NEBL: variants seen among roughly 807,000 people sequenced by gnomAD.
NEBL encodes LIM and SH3 protein 2.
NEBL carries 122 observed loss-of-function variants against 140.2 expected under a neutral mutation model. The observed-to-expected ratio is 0.87, with a 90% CI of 0.75 to 1.01. The LOEUF is 1.01. NEBL is among the 50% of genes least tolerant of loss of function. The probability of loss-of-function intolerance (pLI) is 0.00; values close to 1 mark genes in which losing one functional copy is unlikely to be tolerated. For synonymous variants in NEBL, 436 were observed against 398.9 expected, an observed-to-expected ratio of 1.09 and a Z score of -1.11; for missense variants, 1,365 against 1,231.3, an observed-to-expected ratio of 1.11 and a Z score of -1.62.
At chr10:20,796,128 C>A (rs1362922256) in intron 26 of NEBL, among the ~76,000 whole-genome samples, 2 of 152,014 alleles carry the variant, frequency 1.3e-5, no homozygotes, top group African/African-American at 4.8e-5. Flanking sequence ...TTTTGGGAGG[C>A]TGAGGCGGGC....
chr10:20,950,356 C>G (rs1835398775), intron 4 of NEBL, among the ~76,000 whole-genome samples: 1 of 152,232 alleles, frequency 6.6e-6, no homozygotes, highest in South Asian at 2.1e-4. Context: ...ACGATAACTA[C>G]TCCTTCAACA....
intron 3 of NEBL, among the ~76,000 whole-genome samples, chr10:21,017,794 C>T (rs139294499): frequency 2.0e-5 from 3 of 151,626 alleles, no homozygotes; most frequent in Non-Finnish European, 2.9e-5. Flanking sequence ...CAAAGCACTA[C>T]GGAGTCCAAT....
At chr10:20,879,587 A>G (rs1845829542) in intron 5 of NEBL, among the ~76,000 whole-genome samples, 2 of 152,146 alleles carry the variant, frequency 1.3e-5, no homozygotes, top group Admixed American at 6.5e-5. Flanking sequence ...TTCTGCGGAA[A>G]ACACTCTGCA....
intron 2 of NEBL, among the ~76,000 whole-genome samples, chr10:21,156,661 A>T (rs534427355): frequency 5.9e-5 from 9 of 151,946 alleles, no homozygotes; most frequent in Non-Finnish European, 1.0e-4. Flanking sequence ...AGTCTATTTC[A>T]CTCACTCTTG....
At chr10:20,884,522 A>G (rs1846298963) in intron 4 of NEBL, among the ~76,000 whole-genome samples, 1 of 152,230 alleles carries the variant, frequency 6.6e-6, no homozygotes, top group African/African-American at 2.4e-5. Flanking sequence ...TTGCCTCTGA[A>G]AAGTATGATT....
At chr10:20,895,270 A>G (rs1331717831) in intron 2 of NEBL, among the ~76,000 whole-genome samples, 1 of 152,232 alleles carries the variant, frequency 6.6e-6, no homozygotes, top group Non-Finnish European at 1.5e-5. Flanking sequence ...TCAAAGCTGG[A>G]AGAGGTTAGG....
intron 2 of NEBL, among the ~76,000 whole-genome samples, chr10:21,082,472 T>C (rs1011416760): frequency 6.9e-6 from 1 of 145,904 alleles, no homozygotes; most frequent in Non-Finnish European, 1.5e-5. Context: ...ATTTCAGGAA[T>C]AAAAATGTTC....
intron 1 of NEBL, among the ~76,000 whole-genome samples, chr10:21,289,866 T>A (rs1843119547): frequency 6.6e-6 from 1 of 152,222 alleles, no homozygotes; most frequent in African/African-American, 2.4e-5. Context: ...AGATGCTTAT[T>A]CACTTGCCTG....
chr10:21,000,698 C>T (rs1014265137), intron 3 of NEBL, among the ~76,000 whole-genome samples: 6 of 152,174 alleles, frequency 3.9e-5, no homozygotes, highest in South Asian at 2.1e-4. Context: ...GCTCCCAAAA[C>T]GAGAAAGCAA....
chr10:21,196,925 C>T (rs999829388), intron 3 of NEBL, among the ~76,000 whole-genome samples: 4 of 152,130 alleles, frequency 2.6e-5, no homozygotes, highest in African/African-American at 7.2e-5. Flanking sequence ...AGCTTTGCTG[C>T]GAAGGAAATG....
At chr10:20,967,550 C>T (rs534040133) in intron 3 of NEBL, among the ~76,000 whole-genome samples, 16 of 152,110 alleles carry the variant, frequency 1.1e-4, no homozygotes, top group African/African-American at 3.9e-4. Flanking sequence ...ATCACTTGAA[C>T]CTGGGAGGCG....
rs920640841 is a variant in NEBL at position 20,859,819 on chromosome 10, T to A, written c.692A>T (p.Tyr231Phe). ...EASKLSSQIK[Y>F]KEKFDNEMKD... Reference sequence around the variant, plus strand: ...CATTTCATTATCAAATTTTTCTTTGTATTTAATCTGTCATAAAAGAGAAAT... The same window carrying A: ...CATTTCATTATCAAATTTTTCTTTGAATTTAATCTGTCATAAAAGAGAAAT... Residue 231 changes from tyrosine (Y) to phenylalanine (F), a missense_variant, in exon 8 of 28, where the codon TAC (tyrosine) becomes TTC (phenylalanine). Coordinates refer to ENST00000377122, the MANE Select transcript of NEBL (RefSeq NM_006393.3). 2 of 1,457,964 alleles carry A rather than the reference T, an allele frequency of 1.4e-6. No homozygotes were observed. The highest frequency in any genetic ancestry group is 1.9e-6 in the Non-Finnish European group (2 of 1,041,406). The allele number at this position is 1,457,964 out of a possible 1,614,324, so 90.3% of individuals were successfully genotyped here.
At chr10:21,094,031 ACTTAATTTGTT>A (rs1837045068) in intron 2 of NEBL, among the ~76,000 whole-genome samples, 1 of 152,104 alleles carries the variant, frequency 6.6e-6, no homozygotes, top group African/African-American at 2.4e-5. Context: ...TCACTACTCA[ACTTAATTTGTT>A]CTTATGGGTC....
chr10:20,918,741 C>A (rs930143841), intron 4 of NEBL, among the ~76,000 whole-genome samples: 3 of 151,336 alleles, frequency 2.0e-5, no homozygotes, highest in Non-Finnish European at 4.4e-5. Context: ...GTCCCAGCTA[C>A]TCGGGAGGCT....
intron 2 of NEBL, among the ~76,000 whole-genome samples, chr10:21,156,602 T>C (rs556224428): frequency 8.6e-5 from 13 of 151,908 alleles, no homozygotes; most frequent in Admixed American, 3.9e-4. Context: ...CTTCGTGCTT[T>C]TTTTTTTTAG....
intron 2 of NEBL, among the ~76,000 whole-genome samples, chr10:21,041,855 T>C (rs1002858455): frequency 7.2e-5 from 11 of 152,248 alleles, no homozygotes; most frequent in Non-Finnish European, 1.3e-4. Context: ...CTTTAGACCA[T>C]ATATAGTAAT....
intron 3 of NEBL, among the ~76,000 whole-genome samples, chr10:20,967,331 G>A (rs1836362906): frequency 6.6e-6 from 1 of 152,168 alleles, no homozygotes; most frequent in Admixed American, 6.5e-5. Flanking sequence ...GAAAAAGCAA[G>A]AAATGTAGAC....
rs550467836 is a variant in NEBL at position 21,169,300 on chromosome 10, T to C, written c.164+3083A>G. Reference sequence around the variant, plus strand: ...TTTTCATTTAAGCATGTATATACATTGACTCCTGAACCAAACCAGGTACAG... The same window carrying C: ...TTTTCATTTAAGCATGTATATACATCGACTCCTGAACCAAACCAGGTACAG... On this transcript the variant is annotated intron_variant, in intron 2 of 6. Coordinates refer to the NEBL transcript ENST00000417816. 4.6e-5 allele frequency among the ~76,000 whole-genome samples: 7 copies of C among 151,844 alleles called. No individual in the cohort carries two copies. The South Asian group carries it at 1.5e-3, about 32-fold the overall frequency.
chr10:21,198,046 T>C (rs1841678902), intron 3 of NEBL, among the ~76,000 whole-genome samples: 1 of 152,018 alleles, frequency 6.6e-6, no homozygotes, highest in Non-Finnish European at 1.5e-5. Context: ...AACCCTGCTG[T>C]CTCGGTGTGT....
Sources: gnomAD v4.1 joint callset for allele counts (sites outside exome capture counted in the v4.1 genomes callset) on GRCh38, gnomAD v4.1.1 for gene constraint, MANE v1.5 for transcripts, NCBI Gene and HGNC (gene_info 2026-07-23, HGNC 2026-07-21) for gene names.